Variants in ALDH2 observed in about 807,000 individuals in gnomAD.
ALDH2 encodes the protein aldehyde dehydrogenase 2 family member.
ALDH2 carries 44 observed loss-of-function variants against 59.6 expected under a neutral mutation model. The observed-to-expected ratio is 0.74, with a 90% CI of 0.58 to 0.95. The LOEUF (loss-of-function observed/expected upper bound fraction) is 0.95. ALDH2 is among the 40% of genes least tolerant of loss of function. The pLI is 0.00. For synonymous variants in ALDH2, 291 were observed against 284.0 expected, an observed-to-expected ratio of 1.02 and a Z score of -0.25; for missense variants, 570 against 696.3, an observed-to-expected ratio of 0.82 and a Z score of 2.04.
At chr12:111,772,675 T>G (rs906754880) in intron 1 of ALDH2, among the ~76,000 whole-genome samples, 74 of 66,536 alleles carry the variant, frequency 1.1e-3, no homozygotes, top group African/African-American at 4.7e-3. Flanking sequence ...TTTTTTTTGG[T>G]TTTTTTTTTT....
intron 11 of ALDH2, among the ~76,000 whole-genome samples, chr12:111,803,052 A>G (rs1173331165): frequency 7.0e-6 from 1 of 143,850 alleles, no homozygotes; most frequent in Non-Finnish European, 1.5e-5. Context: ...TTAGCTGGGC[A>G]TGGTAGCATG....
At chr12:111,795,884 C>T (rs1353771817) in intron 9 of ALDH2, among the ~76,000 whole-genome samples, 1 of 152,086 alleles carries the variant, frequency 6.6e-6, no homozygotes, top group Admixed American at 6.6e-5. Flanking sequence ...AGCCACTGCA[C>T]CCGTCCTAAC....
At chr12:111,788,641 C>T (rs1195413453) in intron 4 of ALDH2, among the ~76,000 whole-genome samples, 1 of 152,116 alleles carries the variant, frequency 6.6e-6, no homozygotes, top group African/African-American at 2.4e-5. Flanking sequence ...AGCTGCAATG[C>T]CTGGGCTTGC....
At chr12:111,773,674 A>G (rs2068217536) in intron 1 of ALDH2, among the ~76,000 whole-genome samples, 3 of 152,184 alleles carry the variant, frequency 2.0e-5, no homozygotes, top group Admixed American at 6.5e-5. Flanking sequence ...CTTATAACTT[A>G]ATGTGAACTT....
intron 1 of ALDH2, among the ~76,000 whole-genome samples, chr12:111,778,842 A>G (rs2068251883): frequency 6.6e-6 from 1 of 151,482 alleles, no homozygotes; most frequent in South Asian, 2.1e-4. Flanking sequence ...CAGGAAAAAA[A>G]AAAAAGCCCA....
Position 111,798,249 on chromosome 12 carries a change from A to T in ALDH2, c.1248+7A>T, listed in dbSNP as rs1242169112. ...GACCATCGCCAAGGAGGAGGTGAGC[A>T]CTTGGGGCCAGTGCTCTGGAAACAT... On this transcript the variant is annotated splice_region_variant and intron_variant, in intron 10 of 12. Coordinates refer to ENST00000261733, the MANE Select transcript of ALDH2 (RefSeq NM_000690.4). The T allele has an allele frequency of 1.3e-6, 2 of 1,543,490 alleles. No homozygotes were observed. The highest frequency in any genetic ancestry group is 2.5e-5 in the South Asian group (2 of 79,214).
At chr12:111,790,319 C>T (rs566294630) in intron 5 of ALDH2, 115 bp from the exon 6 acceptor site, 7 of 1,363,554 alleles carry the variant, frequency 5.1e-6, no homozygotes, top group Middle Eastern at 2.2e-4. Flanking sequence ...GGGGAGGACA[C>T]GCAGGGTTCA....
intron 1 of ALDH2, among the ~76,000 whole-genome samples, chr12:111,779,468 G>A (rs1231662964): frequency 6.6e-6 from 1 of 152,150 alleles, no homozygotes; most frequent in African/African-American, 2.4e-5. Flanking sequence ...GGGACTACAG[G>A]TGTGAGCCAC....
chr12:111,798,365 A>G, intron 10 of ALDH2, 123 bp downstream of exon 10: 1 of 1,037,634 alleles, frequency 9.6e-7, no homozygotes. Context: ...AGTTATACCC[A>G]GAACCAGTGC....
Position 111,792,717 on chromosome 12 carries a change from G to T in ALDH2, c.1018G>T (p.Val340Phe). The T allele has an allele frequency of 6.3e-7, 1 of 1,586,802 alleles. No individual in the cohort carries two copies. Among genetic ancestry groups the T allele is most frequent in the Non-Finnish European group, 8.6e-7 (1 of 1,166,942 alleles). ...CTATGATGAGTTTGTGGAGCGGAGC[G>T]TTGCCCGGGCCAAGTCTCGGGTGGT... ...DIYDEFVERS[V>F]ARAKSRVVGN... The change falls in exon 9 of 13, where the codon GTT (valine) becomes TTT (phenylalanine). Residue 340 changes from valine to phenylalanine, a missense_variant. Transcript: ENST00000261733.
chr12:111,803,043 TA>T (rs2068467031), intron 11 of ALDH2, among the ~76,000 whole-genome samples: 1 of 149,334 alleles, frequency 6.7e-6, no homozygotes, highest in African/African-American at 2.5e-5. Flanking sequence ...ATAGAAAAAT[TA>T]GCTGGGCATG....
At position 111,806,512 on chromosome 12, in the gene ALDH2, G is replaced by A. The variant is rs191935085; in HGVS notation, c.1521+2539G>A. Among the ~76,000 whole-genome samples the A allele has an allele frequency of 5.8e-4, 88 of 152,328 alleles. 1 individual carries two copies. Among genetic ancestry groups the A allele is most frequent in the African/African-American group, 2.1e-3 (87 of 41,588 alleles). On this transcript the variant is annotated intron_variant, in intron 12 of 12. Coordinates refer to ENST00000261733, the MANE Select transcript of ALDH2 (RefSeq NM_000690.4). ...TCAGGGCAAGCCTGCCAGCTGTGGA[G>A]CAGGTGAGAAAAGGCAAACGGGACT...
chr12:111,801,851 C>T (rs932390241), intron 11 of ALDH2, among the ~76,000 whole-genome samples: 1 of 152,076 alleles, frequency 6.6e-6, no homozygotes, highest in African/African-American at 2.4e-5. Flanking sequence ...TGCCTGCCTC[C>T]TGGGCACAGG....
chr12:111,774,776 A>G (rs2068223216), intron 1 of ALDH2, among the ~76,000 whole-genome samples: 1 of 152,120 alleles, frequency 6.6e-6, no homozygotes, highest in Non-Finnish European at 1.5e-5. Flanking sequence ...TCCGCCCCCA[A>G]GGTCCAGTTG....
At chr12:111,778,981 C>T (rs2068252582) in intron 1 of ALDH2, among the ~76,000 whole-genome samples, 1 of 151,780 alleles carries the variant, frequency 6.6e-6, no homozygotes, top group Non-Finnish European at 1.5e-5. Context: ...ACCTCAGCCT[C>T]CTGAGTAGCT....
At chr12:111,797,226 C>T (rs2068412562) in intron 9 of ALDH2, among the ~76,000 whole-genome samples, 1 of 152,186 alleles carries the variant, frequency 6.6e-6, no homozygotes, top group African/African-American at 2.4e-5. Context: ...AGCCACTGCC[C>T]CTGGCCCAAG....
intron 1 of ALDH2, among the ~76,000 whole-genome samples, chr12:111,772,263 TTC>T (rs1224025364): frequency 6.6e-6 from 1 of 152,164 alleles, no homozygotes; most frequent in Non-Finnish European, 1.5e-5. Context: ...GCCTGGGAGA[TTC>T]TTACAGAATG....
At chr12:111,771,850 G>T (rs1003850660) in intron 1 of ALDH2, among the ~76,000 whole-genome samples, 2 of 152,154 alleles carry the variant, frequency 1.3e-5, no homozygotes, top group Admixed American at 1.3e-4. Flanking sequence ...TGTAATCTCC[G>T]CACTTTGGGA....
Position 111,814,895 on chromosome 12 carries a change from C to T in ALDH2, c.*5320C>T, listed in dbSNP as rs2068561132. The T allele has an allele frequency of 1.3e-5, 2 of 149,942 alleles. No individual in the cohort carries two copies. Among genetic ancestry groups the T allele is most frequent in the Admixed American group, 1.3e-4 (2 of 15,046 alleles). The allele number at this position is 149,942 out of a possible 1,614,324, so 9.3% of individuals were successfully genotyped here. A position where few individuals can be genotyped will look rare whatever the true frequency, so the allele number is the denominator to read the frequency against. On this transcript the variant is annotated 3_prime_UTR_variant, in exon 13 of 13. Coordinates refer to ENST00000261733, the MANE Select transcript of ALDH2 (RefSeq NM_000690.4). ...TGAATTTCACCTCAACTGAAAAAAA[C>T]AGGGTCCCAGAGCTGGTCAGGGGAA...
Sources: gnomAD v4.1 joint callset for allele counts (sites outside exome capture counted in the v4.1 genomes callset) on GRCh38, gnomAD v4.1.1 for gene constraint, MANE v1.5 for transcripts, NCBI Gene and HGNC (gene_info 2026-07-23, HGNC 2026-07-21) for gene names.